The following DPP6 variants were observed in gnomAD, a reference collection of about 807,000 sequenced individuals.
DPP6 encodes dipeptidyl peptidase like 6.
Under a neutral mutation model 122.6 loss-of-function variants are expected in DPP6, and 69 were observed. The observed-to-expected ratio is 0.56, with a 90% confidence interval of 0.46 to 0.69. The LOEUF (loss-of-function observed/expected upper bound fraction) is 0.69, where lower values mean the gene tolerates loss of function less well. DPP6 is among the 30% of genes least tolerant of loss of function. DPP6 has a pLI of 0.00. For missense variants in DPP6, 928 were observed against 1,116.9 expected (o/e 0.83, Z 2.41); for synonymous variants, 418 against 433.1 (o/e 0.97, Z 0.43).
chr7:153,793,260 A>T, the DPP6 span, among the ~76,000 whole-genome samples: 1 of 151,982 alleles, frequency 6.6e-6, no homozygotes, highest in Non-Finnish European at 1.5e-5. Flanking sequence ...GCTTTGACCA[A>T]AAGCCTGATA....
chr7:154,708,377 C>T (rs1048191221), intron 7 of DPP6, among the ~76,000 whole-genome samples: 1 of 152,192 alleles, frequency 6.6e-6, no homozygotes, highest in Non-Finnish European at 1.5e-5. Flanking sequence ...TTCACCTATG[C>T]TCCCGTCAGG....
At chr7:154,373,476 G>T (rs1304917149) in intron 1 of DPP6, among the ~76,000 whole-genome samples, 1 of 152,214 alleles carries the variant, frequency 6.6e-6, no homozygotes, top group Admixed American at 6.5e-5. Flanking sequence ...GCTCATGCTA[G>T]CTCCCTCCTC....
the DPP6 span, among the ~76,000 whole-genome samples, chr7:153,874,035 T>C: frequency 1.1e-4 from 16 of 152,212 alleles, no homozygotes; most frequent in African/African-American, 3.9e-4. Context: ...ACTGTAAAGA[T>C]GTTAACCCTT....
the DPP6 span, among the ~76,000 whole-genome samples, chr7:153,879,025 T>C: frequency 6.6e-6 from 1 of 152,022 alleles, no homozygotes; most frequent in Non-Finnish European, 1.5e-5. Context: ...GCTGGAAAAG[T>C]AAGTAATGGC....
intron 1 of DPP6, among the ~76,000 whole-genome samples, chr7:154,269,291 T>C (rs756165417): frequency 6.6e-6 from 1 of 152,166 alleles, no homozygotes; most frequent in Non-Finnish European, 1.5e-5. Context: ...ATAACTTTGA[T>C]CTAAGCTGTC....
At chr7:154,187,025 C>T (rs141361981) in intron 1 of DPP6, among the ~76,000 whole-genome samples, 2 of 152,304 alleles carry the variant, frequency 1.3e-5, no homozygotes, top group East Asian at 1.9e-4. Flanking sequence ...GAGGGAGCTC[C>T]TGGCAGTGCC....
At chr7:154,694,348 A>T (rs573934882) in intron 7 of DPP6, among the ~76,000 whole-genome samples, 42 of 152,326 alleles carry the variant, frequency 2.8e-4, no homozygotes, top group Middle Eastern at 3.4e-3. Context: ...TCAGTGGCTC[A>T]CAACTGTAAT....
the DPP6 span, among the ~76,000 whole-genome samples, chr7:153,820,157 GA>G: frequency 2.0e-5 from 3 of 152,132 alleles, no homozygotes; most frequent in Non-Finnish European, 4.4e-5. Flanking sequence ...TGTGATTTTG[GA>G]ACAGAAAGTC....
Position 154,756,562 on chromosome 7 carries a change from G to T in DPP6, c.884-12855G>T, listed in dbSNP as rs1355285215. On this transcript the variant is annotated intron_variant, in intron 8 of 25. Transcript: ENST00000377770. Reference sequence around the variant, plus strand: ...GGTCACTTGCCCATGGTCACAGCTGGTAGGGGGCAGGGCCGGATTTCAGCC... The same window carrying T: ...GGTCACTTGCCCATGGTCACAGCTGTTAGGGGGCAGGGCCGGATTTCAGCC... Among the ~76,000 whole-genome samples, 5 of 152,148 alleles carry T rather than the reference G, an allele frequency of 3.3e-5. No homozygotes were observed. The East Asian group carries it at 7.7e-4, about 23-fold the overall frequency.
At chr7:154,711,120 G>T (rs1479350831) in intron 7 of DPP6, among the ~76,000 whole-genome samples, 2 of 152,198 alleles carry the variant, frequency 1.3e-5, no homozygotes, top group Non-Finnish European at 2.9e-5. Flanking sequence ...TAGGAAAGCC[G>T]CTATAATGTG....
chr7:154,093,188 T>C (rs2150553687), intron 1 of DPP6, among the ~76,000 whole-genome samples: 1 of 148,246 alleles, frequency 6.7e-6, no homozygotes, highest in South Asian at 2.1e-4. Flanking sequence ...ATACACCACA[T>C]GCCACACAAC....
intron 1 of DPP6, among the ~76,000 whole-genome samples, chr7:154,042,653 C>A (rs573138378): frequency 3.3e-5 from 5 of 152,114 alleles, no homozygotes; most frequent in Non-Finnish European, 7.3e-5. Context: ...TAAAAGTCAC[C>A]GAATCTGTGA....
intron 22 of DPP6, among the ~76,000 whole-genome samples, chr7:154,886,468 C>T (rs1806165259): frequency 1.3e-5 from 2 of 152,236 alleles, no homozygotes; most frequent in Admixed American, 1.3e-4. Context: ...CCTGCATTCT[C>T]CTCCTTATGG....
chr7:154,520,371 A>G (rs1003450227), intron 3 of DPP6, among the ~76,000 whole-genome samples: 1 of 152,252 alleles, frequency 6.6e-6, no homozygotes, highest in African/African-American at 2.4e-5. Context: ...CTGCTAGCAG[A>G]TATGAAAGAG....
intron 5 of DPP6, among the ~76,000 whole-genome samples, chr7:154,616,042 T>C (rs1399813309): frequency 6.6e-6 from 1 of 152,024 alleles, no homozygotes; most frequent in East Asian, 1.9e-4. Context: ...GAGAAGCTTC[T>C]TCCCAAGGAG....
intron 1 of DPP6, among the ~76,000 whole-genome samples, chr7:154,298,430 G>A (rs1805686994): frequency 6.6e-6 from 1 of 152,072 alleles, no homozygotes; most frequent in Non-Finnish European, 1.5e-5. Flanking sequence ...GGAAGGGCAG[G>A]CAGACATTAA....
chr7:154,145,222 C>G (rs1040317501), intron 1 of DPP6, among the ~76,000 whole-genome samples: 2 of 152,202 alleles, frequency 1.3e-5, no homozygotes, highest in Non-Finnish European at 2.9e-5. Flanking sequence ...ACCCCTACAG[C>G]TAGTCACAGA....
the DPP6 span, among the ~76,000 whole-genome samples, chr7:153,789,860 T>C: frequency 6.6e-6 from 1 of 152,198 alleles, no homozygotes; most frequent in Non-Finnish European, 1.5e-5. Flanking sequence ...TTCATTTCTC[T>C]ATAACTTAGG....
rs146583329 is a variant in DPP6 at position 154,850,651 on chromosome 7, C to G, written c.1667-3129C>G. Among the ~76,000 whole-genome samples the G allele has an allele frequency of 7.2e-3, 1,098 of 152,220 alleles. 9 individuals carry two copies. Among genetic ancestry groups the G allele is most frequent in the Middle Eastern group, 0.027 (8 of 294 alleles). ...TCTTCTTACTCATTATTGATCTCTT[C>G]AATTTCTTCATGATTCGGTCTTGGT... is the stretch of plus-strand genomic sequence containing the variant. On this transcript the variant is annotated intron_variant, in intron 16 of 25. Transcript: ENST00000377770.
Sources: allele counts gnomAD v4.1 joint callset (sites outside exome capture counted in the v4.1 genomes callset), GRCh38; gene constraint gnomAD v4.1.1; transcripts MANE v1.5; gene names NCBI Gene and HGNC (gene_info 2026-07-23, HGNC 2026-07-21).